The following TBC1D5 variants were observed in gnomAD, a reference collection of about 807,000 sequenced individuals.
The protein encoded by TBC1D5 is TBC1 domain family, member 5.
Under a neutral mutation model 100.3 loss-of-function variants are expected in TBC1D5, and 75 were observed. That is an observed-to-expected ratio of 0.75 (90% confidence interval 0.62 to 0.91). The LOEUF is 0.91. Among genes scored for constraint, TBC1D5 ranks in the 40% least tolerant of loss-of-function variants. TBC1D5 has a pLI of 0.00. For synonymous variants in TBC1D5, 323 were observed against 325.6 expected (o/e 0.99, Z 0.09); for missense variants, 910 against 942.4 (o/e 0.97, Z 0.45).
At position 17,417,731 on chromosome 3, in the gene TBC1D5, G is replaced by A. The variant is rs2094118021; in HGVS notation, c.167+10719C>T. Among the ~76,000 whole-genome samples the A allele has an allele frequency of 2.0e-5, 3 of 152,124 alleles. No homozygotes were observed. The South Asian group carries it at 6.2e-4, about 32-fold the overall frequency. ...CAGTAATGGGATGGCTGGGTCAAAT[G>A]GTATTTCTAGTTCTAGATCCCTGAG... On this transcript the variant is annotated intron_variant, in intron 4 of 21. Transcript: ENST00000253692.
intron 17 of TBC1D5, among the ~76,000 whole-genome samples, chr3:17,223,984 C>T (rs575596086): frequency 8.5e-5 from 13 of 152,204 alleles, no homozygotes; most frequent in Non-Finnish European, 1.5e-4. Context: ...ATTTAAATTT[C>T]TGAATCCTGC....
intron 2 of TBC1D5, among the ~76,000 whole-genome samples, chr3:17,608,152 G>T (rs1185722078): frequency 6.6e-6 from 1 of 152,130 alleles, no homozygotes; most frequent in African/African-American, 2.4e-5. Flanking sequence ...AGATACTAGG[G>T]GGGCTGAGGC....
intron 3 of TBC1D5, 128 bp from the exon 4 acceptor site, chr3:17,428,647 T>C (rs1363988889): frequency 2.3e-5 from 7 of 305,994 alleles, no homozygotes; most frequent in Non-Finnish European, 4.2e-5. Flanking sequence ...CCCCAAATTA[T>C]CTTTTGTACT....
intron 2 of TBC1D5, among the ~76,000 whole-genome samples, chr3:17,511,364 A>C (rs1367424069): frequency 6.6e-6 from 1 of 151,934 alleles, no homozygotes; most frequent in Non-Finnish European, 1.5e-5. Flanking sequence ...TAATATCTTA[A>C]ACCATGTTTT....
chr3:17,729,866 T>A (rs1413841649), intron 1 of TBC1D5, among the ~76,000 whole-genome samples: 1 of 152,170 alleles, frequency 6.6e-6, no homozygotes, highest in Non-Finnish European at 1.5e-5. Context: ...CCCAGCACTT[T>A]GGGAGGCCAA....
Position 17,374,599 on chromosome 3 carries a change from A to T in TBC1D5, c.752+30T>A, listed in dbSNP as rs2092624027. ...TCATTAAAATAATGATGGTATAAAA[A>T]AATAAAACAAAGAAAGTTTTTGTAC... On this transcript the variant is annotated intron_variant, in intron 11 of 21. Transcript: ENST00000253692. 5.6e-6 allele frequency: 9 copies of T among 1,610,156 alleles called. No homozygotes were observed. In the South Asian group the frequency reaches 8.8e-5, roughly 16 times the overall value.
intron 13 of TBC1D5, among the ~76,000 whole-genome samples, chr3:17,316,242 G>A (rs959533993): frequency 6.6e-6 from 1 of 152,190 alleles, no homozygotes; most frequent in African/African-American, 2.4e-5. Context: ...TACTTTCCCT[G>A]ATCGTTCTGA....
intron 3 of TBC1D5, among the ~76,000 whole-genome samples, chr3:17,456,981 G>A (rs2095100809): frequency 6.6e-6 from 1 of 151,992 alleles, no homozygotes; most frequent in Admixed American, 6.6e-5. Flanking sequence ...TGGTTTTATG[G>A]GACTAACAGT....
chr3:17,163,589 T>G (rs2066301788), intron 21 of TBC1D5, among the ~76,000 whole-genome samples: 1 of 152,154 alleles, frequency 6.6e-6, no homozygotes, highest in Non-Finnish European at 1.5e-5. Context: ...TCACAACACA[T>G]ATCCCTCTTA....
intron 2 of TBC1D5, among the ~76,000 whole-genome samples, chr3:17,611,801 G>A (rs1047089243): frequency 6.6e-6 from 1 of 151,914 alleles, no homozygotes; most frequent in Non-Finnish European, 1.5e-5. Context: ...ATGATATGGA[G>A]GATTCTATGT....
chr3:17,265,125 T>C (rs1333912768), intron 15 of TBC1D5, among the ~76,000 whole-genome samples: 1 of 152,212 alleles, frequency 6.6e-6, no homozygotes, highest in Non-Finnish European at 1.5e-5. Flanking sequence ...ATCATACTAT[T>C]AATGCAGCAT....
At chr3:17,380,639 A>G (rs577129104) in intron 9 of TBC1D5, among the ~76,000 whole-genome samples, 58 of 152,174 alleles carry the variant, frequency 3.8e-4, no homozygotes, top group South Asian at 1.0e-3. Flanking sequence ...GTTAGTAGTC[A>G]CTGCACTCCA....
chr3:17,493,781 AT>A (rs2095667946), intron 3 of TBC1D5, among the ~76,000 whole-genome samples: 1 of 152,122 alleles, frequency 6.6e-6, no homozygotes, highest in Non-Finnish European at 1.5e-5. Flanking sequence ...CCATCAGATC[AT>A]TTATGTCCCT....
intron 3 of TBC1D5, among the ~76,000 whole-genome samples, chr3:17,449,252 G>C (rs1377079236): frequency 6.6e-6 from 1 of 152,228 alleles, no homozygotes; most frequent in Admixed American, 6.5e-5. Context: ...CAGACCAGAA[G>C]ATTCCTGCAG....
intron 4 of TBC1D5, among the ~76,000 whole-genome samples, chr3:17,424,299 C>T (rs886893287): frequency 3.3e-5 from 5 of 152,174 alleles, no homozygotes; most frequent in Non-Finnish European, 7.3e-5. Flanking sequence ...TGGCAAGGGG[C>T]TTGCCTCTTT....
chr3:17,383,305 G>A (rs944337413), intron 9 of TBC1D5, among the ~76,000 whole-genome samples: 1 of 151,696 alleles, frequency 6.6e-6, no homozygotes, highest in Non-Finnish European at 1.5e-5. Flanking sequence ...ATACCCAAGT[G>A]TGTGTATTTT....
chr3:17,172,266 T>C (rs1426982907), intron 19 of TBC1D5, among the ~76,000 whole-genome samples: 2 of 152,248 alleles, frequency 1.3e-5, no homozygotes, highest in African/African-American at 2.4e-5. Context: ...CTAAGAGTAC[T>C]GACCATGTAA....
intron 3 of TBC1D5, among the ~76,000 whole-genome samples, chr3:17,446,035 T>C (rs2094785345): frequency 6.6e-6 from 1 of 152,196 alleles, no homozygotes; most frequent in East Asian, 1.9e-4. Flanking sequence ...ATTTTGGGTC[T>C]TAGTCATTGC....
rs1389133695 is a variant in TBC1D5, at chr3:17,421,507, A to G, written c.167+6943T>C. Reference sequence around the variant, plus strand: ...TCATTTATTGCCACTTTAGAACTAGAAAAAAAAATTAACTTTCCTGAGGCA... The same window carrying G: ...TCATTTATTGCCACTTTAGAACTAGGAAAAAAAATTAACTTTCCTGAGGCA... On this transcript the variant is annotated intron_variant, in intron 4 of 21. Coordinates refer to ENST00000253692, the Ensembl canonical transcript of TBC1D5. 2.6e-5 allele frequency among the ~76,000 whole-genome samples: 4 copies of G among 151,950 alleles called. No individual in the cohort carries two copies. In the East Asian group the frequency reaches 7.7e-4, roughly 29 times the overall value.
Sources: allele counts gnomAD v4.1 joint callset (sites outside exome capture counted in the v4.1 genomes callset), GRCh38; gene constraint gnomAD v4.1.1; transcripts MANE v1.5; gene names NCBI Gene and HGNC (gene_info 2026-07-23, HGNC 2026-07-21).